KCNJ16: variants seen among roughly 807,000 people sequenced by gnomAD.
The protein encoded by KCNJ16 is inward rectifier potassium channel 16.
Under a neutral mutation model 18.5 loss-of-function variants are expected in KCNJ16, and 15 were observed. That is an observed-to-expected ratio of 0.81 (90% CI 0.54 to 1.25). The LOEUF is 1.25. Ranked by LOEUF, KCNJ16 falls within the 50% of genes most tolerant of loss-of-function variation. KCNJ16 has a pLI of 0.00. For synonymous variants in KCNJ16, 174 were observed against 186.5 expected (o/e 0.93, Z 0.55); for missense variants, 523 against 525.7 (o/e 0.99, Z 0.05).
chr17:70,131,194 CAA>C (rs36047658), intron 3 of KCNJ16, among the ~76,000 whole-genome samples: 37 of 85,714 alleles, frequency 4.3e-4, no homozygotes, highest in Non-Finnish European at 5.9e-4. Flanking sequence ...CTGCCAGTGT[CAA>C]AAAAAAAAAA....
intron 2 of KCNJ16, among the ~76,000 whole-genome samples, chr17:70,117,634 T>C (rs1266054956): frequency 4.6e-5 from 7 of 152,198 alleles, no homozygotes; most frequent in Admixed American, 4.6e-4. Flanking sequence ...TTTTATAGTC[T>C]TAGGAGTACT....
At chr17:70,081,933 T>C (rs984255753) in intron 1 of KCNJ16, among the ~76,000 whole-genome samples, 2 of 152,124 alleles carry the variant, frequency 1.3e-5, no homozygotes, top group African/African-American at 4.8e-5. Context: ...GACATGAAAA[T>C]AATAGCATTC....
chr17:70,132,962 C>T lies in KCNJ16; in HGVS notation c.875C>T (p.Ser292Phe), dbSNP rs1163616571. 1 of 1,614,022 alleles carries T rather than the reference C, an allele frequency of 6.2e-7. No individual in the cohort carries two copies. Among genetic ancestry groups the T allele is most frequent in the Non-Finnish European group, 8.5e-7 (1 of 1,180,010 alleles). ...TATACTGGTGATTCCACTGGAACATCTCACCAATCTAGAAGCTCCTATGTT... is the reference window on the plus strand; with the variant it reads ...TATACTGGTGATTCCACTGGAACATTTCACCAATCTAGAAGCTCCTATGTT... ...FIYTGDSTGT[S>F]HQSRSSYVPR... The change falls in exon 4 of 4, where the codon TCT (serine) becomes TTT (phenylalanine). Residue 292 changes from serine (S) to phenylalanine (F), a missense_variant. Coordinates refer to ENST00000392671, the MANE Select transcript of KCNJ16 (RefSeq NM_170741.4).
chr17:70,076,759 A>G (rs534525788), intron 1 of KCNJ16, among the ~76,000 whole-genome samples: 70 of 152,340 alleles, frequency 4.6e-4, no homozygotes, highest in African/African-American at 1.6e-3. Context: ...CTGGATATAA[A>G]TTAATTGAAA....
At chr17:70,094,608 T>C (rs1321284412) in intron 1 of KCNJ16, among the ~76,000 whole-genome samples, 1 of 118,058 alleles carries the variant, frequency 8.5e-6, no homozygotes, top group East Asian at 2.7e-4. Flanking sequence ...TATTAGTCAA[T>C]GAGGTGAAAG....
intron 2 of KCNJ16, among the ~76,000 whole-genome samples, chr17:70,106,331 G>C (rs1408272794): frequency 6.6e-6 from 1 of 152,072 alleles, no homozygotes; most frequent in Non-Finnish European, 1.5e-5. Context: ...GCTTCTCTCT[G>C]CCTCCTTTTC....
At chr17:70,083,218 G>A (rs2071629646) in intron 1 of KCNJ16, among the ~76,000 whole-genome samples, 1 of 148,372 alleles carries the variant, frequency 6.7e-6, no homozygotes, top group African/African-American at 2.5e-5. Flanking sequence ...TATATAATAT[G>A]TAAAGAGATA....
rs777954139 is a variant in KCNJ16 at position 70,132,519 on chromosome 17, T to C, written c.432T>C (p.Ser144=). 1 of 1,614,232 alleles carries C rather than the reference T, an allele frequency of 6.2e-7. No homozygotes were observed. Among genetic ancestry groups the C allele is most frequent in the East Asian group, 2.2e-5 (1 of 44,882 alleles). The change falls in exon 4 of 4, where the codon TCT becomes TCC. Residue 144 remains serine, a synonymous_variant. Transcript: ENST00000392671. ...ATCGCTGTGTTACTGAAGAATGTTC[T>C]GTGGCCGTGCTCATGGTGATCCTCC... is the stretch of plus-strand genomic sequence containing the variant. ...YGYRCVTEEC[S]VAVLMVILQS...
intron 2 of KCNJ16, chr17:70,104,884 T>A (rs752336632): frequency 1.3e-5 from 2 of 152,690 alleles, no homozygotes; most frequent in Non-Finnish European, 2.9e-5. Context: ...CTGTGGTGAA[T>A]GTATCCGGAA....
intron 2 of KCNJ16, among the ~76,000 whole-genome samples, chr17:70,127,461 G>A (rs2073893855): frequency 5.3e-4 from 2 of 3,742 alleles, no homozygotes; most frequent in African/African-American, 3.6e-3. Flanking sequence ...TTGTAAAACA[G>A]GTTTTTGAGC....
intron 2 of KCNJ16, among the ~76,000 whole-genome samples, chr17:70,112,586 T>TGAA (rs1208969195): frequency 2.0e-5 from 3 of 152,172 alleles, no homozygotes; most frequent in African/African-American, 7.2e-5. Context: ...ACCCATCAGT[T>TGAA]GAATGATCTT....
chr17:70,128,856 T>G (rs1158341092), intron 2 of KCNJ16: 4 of 152,264 alleles, frequency 2.6e-5, no homozygotes, highest in African/African-American at 9.6e-5. Flanking sequence ...ACAGACGGGC[T>G]GAGGTCTACA....
intron 3 of KCNJ16, 70 bp downstream of exon 3, chr17:70,131,045 A>G (rs1158620754): frequency 7.2e-7 from 1 of 1,390,936 alleles, no homozygotes; most frequent in Non-Finnish European, 9.9e-7. Context: ...ATTTTGCCTA[A>G]GGATGTCCGT....
At chr17:70,131,038 T>C (rs2074036622) in intron 3 of KCNJ16, 63 bp downstream of exon 3, 1 of 1,447,550 alleles carries the variant, frequency 6.9e-7, no homozygotes, top group South Asian at 1.2e-5. Flanking sequence ...AAAAATTATT[T>C]TGCCTAAGGA....
chr17:70,096,687 G>A, intron 1 of KCNJ16: 1 of 348,944 alleles, frequency 2.9e-6, no homozygotes, highest in African/African-American at 2.1e-5. Context: ...TAAGTGGGGT[G>A]AAGAATTAAG....
chr17:70,106,187 T>A (rs2072914410), intron 2 of KCNJ16, among the ~76,000 whole-genome samples: 1 of 152,164 alleles, frequency 6.6e-6, no homozygotes, highest in African/African-American at 2.4e-5. Flanking sequence ...GGATGATCTG[T>A]CTCGTTGGCC....
At chr17:70,086,367 G>T (rs192785711) in intron 1 of KCNJ16, among the ~76,000 whole-genome samples, 6 of 152,120 alleles carry the variant, frequency 3.9e-5, no homozygotes, top group Non-Finnish European at 8.8e-5. Context: ...GAAGTCAAAC[G>T]TGTATTTTCA....
At chr17:70,121,519 G>A (rs2073637936) in intron 2 of KCNJ16, among the ~76,000 whole-genome samples, 1 of 152,200 alleles carries the variant, frequency 6.6e-6, no homozygotes, top group East Asian at 1.9e-4. Flanking sequence ...ATACTTTAGA[G>A]AGAGGGCCAG....
chr17:70,076,109 T>C (rs2071296240), intron 1 of KCNJ16, among the ~76,000 whole-genome samples: 2 of 152,198 alleles, frequency 1.3e-5, no homozygotes, highest in Admixed American at 6.6e-5. Context: ...CTTGTTGGTA[T>C]ATTTAGGTAG....
Sources: gnomAD v4.1 joint callset for allele counts (sites outside exome capture counted in the v4.1 genomes callset) on GRCh38, gnomAD v4.1.1 for gene constraint, MANE v1.5 for transcripts, NCBI Gene and HGNC (gene_info 2026-07-23, HGNC 2026-07-21) for gene names.